The following NCR2 variants were observed in gnomAD, a reference collection of about 807,000 sequenced individuals.
The protein encoded by NCR2 is natural cytotoxicity triggering receptor 2, also known as NK cell activating receptor (NKp44).
A neutral mutation model predicts 30.7 loss-of-function variants in NCR2; 35 were observed. That is an observed-to-expected ratio of 1.14 (90% confidence interval 0.87 to 1.51). The LOEUF (loss-of-function observed/expected upper bound fraction) is 1.51. Ranked by LOEUF, NCR2 falls within the 40% of genes most tolerant of loss-of-function variation. The pLI is 0.00. For missense variants in NCR2, 316 were observed against 328.9 expected (o/e 0.96, Z 0.30); for synonymous variants, 146 against 134.8 (o/e 1.08, Z -0.58).
At chr6:41,336,763 A>T (rs1193843769) in intron 2 of NCR2, among the ~76,000 whole-genome samples, 1 of 152,166 alleles carries the variant, frequency 6.6e-6, no homozygotes, top group Admixed American at 6.5e-5. Context: ...AGGTGCATCC[A>T]CTGGCTGCCC....
chr6:41,337,447 T>C (rs6939587), intron 2 of NCR2, among the ~76,000 whole-genome samples: 18,643 of 152,200 alleles, frequency 0.12, 1,629 homozygotes, highest in East Asian at 0.31. Context: ...GAAGGGAAAT[T>C]GCAGTTCTCC....
intron 4 of NCR2, among the ~76,000 whole-genome samples, chr6:41,348,465 C>A (rs1443334154): frequency 2.0e-4 from 29 of 147,400 alleles, no homozygotes; most frequent in African/African-American, 2.5e-4. Flanking sequence ...AAGGGGGAGA[C>A]AAAAAAAAAA....
intron 2 of NCR2, among the ~76,000 whole-genome samples, chr6:41,341,507 G>A (rs534059783): frequency 9.1e-4 from 139 of 152,096 alleles, no homozygotes; most frequent in Non-Finnish European, 1.5e-3. Flanking sequence ...TAGGAGGCTC[G>A]GATGGGTGCC....
At chr6:41,348,277 T>C (rs549786303) in intron 4 of NCR2, among the ~76,000 whole-genome samples, 59 of 152,246 alleles carry the variant, frequency 3.9e-4, no homozygotes, top group Non-Finnish European at 7.9e-4. Context: ...CAGGAACTCA[T>C]CATTTAAACC....
chr6:41,340,273 T>C (rs2114052928), intron 2 of NCR2, among the ~76,000 whole-genome samples: 1 of 152,086 alleles, frequency 6.6e-6, no homozygotes, highest in Middle Eastern at 3.4e-3. Flanking sequence ...CCCATTCCCA[T>C]GCCTCAGCCT....
intron 3 of NCR2, 21 bp from the exon 4 acceptor site, chr6:41,342,015 T>G: frequency 6.2e-7 from 1 of 1,613,808 alleles, no homozygotes; most frequent in Non-Finnish European, 8.5e-7. Context: ...CCTCTCCCCT[T>G]CCTGTCCCTC....
chr6:41,343,611 TG>T (rs1769229471), intron 4 of NCR2, among the ~76,000 whole-genome samples: 2 of 152,222 alleles, frequency 1.3e-5, no homozygotes, highest in South Asian at 4.1e-4. Context: ...CTCTGCAACC[TG>T]GGCAGTTGTA....
intron 2 of NCR2, 48 bp from the exon 3 acceptor site, chr6:41,341,746 A>T (rs1225822909): frequency 6.4e-7 from 1 of 1,566,616 alleles, no homozygotes; most frequent in Non-Finnish European, 8.6e-7. Flanking sequence ...CGGCAGGCAC[A>T]AGTGAGGTCT....
intron 2 of NCR2, among the ~76,000 whole-genome samples, chr6:41,339,784 G>C (rs570864509): frequency 6.6e-6 from 1 of 152,106 alleles, no homozygotes; most frequent in Non-Finnish European, 1.5e-5. Context: ...AGACATTTTG[G>C]GGTACCCGTA....
intron 2 of NCR2, among the ~76,000 whole-genome samples, chr6:41,338,343 A>G (rs1308329889): frequency 1.3e-5 from 2 of 152,248 alleles, no homozygotes; most frequent in African/African-American, 2.4e-5. Context: ...TATTCACCTT[A>G]TAAAATTCAC....
chr6:41,337,611 G>GA (rs1303959404), intron 2 of NCR2, among the ~76,000 whole-genome samples: 2 of 152,146 alleles, frequency 1.3e-5, no homozygotes, highest in Non-Finnish European at 2.9e-5. Flanking sequence ...AATGTATAAA[G>GA]AAATTGTGTT....
intron 4 of NCR2, chr6:41,342,815 C>G (rs1348721078): frequency 2.1e-6 from 2 of 969,722 alleles, no homozygotes; most frequent in South Asian, 1.5e-5. Context: ...ACAACTCAGT[C>G]AGGCCAGGAG....
intron 2 of NCR2, among the ~76,000 whole-genome samples, chr6:41,341,454 A>G (rs919306901): frequency 6.6e-6 from 1 of 152,174 alleles, no homozygotes; most frequent in Non-Finnish European, 1.5e-5. Context: ...AATGGAGGGC[A>G]GAGAGCCGAA....
intron 4 of NCR2, among the ~76,000 whole-genome samples, chr6:41,342,747 A>G (rs1395911744): frequency 6.6e-6 from 1 of 152,128 alleles, no homozygotes; most frequent in African/African-American, 2.4e-5. Context: ...AACAGCCCCC[A>G]GGGAGAAGGG....
rs551194760 is a variant in NCR2 at position 41,344,338 on chromosome 6, G to A, written c.644+2189G>A. On this transcript the variant is annotated intron_variant, in intron 4 of 4. Coordinates refer to ENST00000373089, the MANE Select transcript of NCR2 (RefSeq NM_004828.4). ...TTCCTGCACAAGCTGGTCAAGAGGC[G>A]CCTCAACTCGCCACATTCAAGATCA... Among the ~76,000 whole-genome samples the A allele has an allele frequency of 7.9e-5, 12 of 152,244 alleles. No individual in the cohort carries two copies. In the South Asian group the frequency reaches 2.1e-3, roughly 26 times the overall value.
chr6:41,349,024 T>C (rs1769368930), intron 4 of NCR2, among the ~76,000 whole-genome samples: 1 of 149,214 alleles, frequency 6.7e-6, no homozygotes. Flanking sequence ...ATAATTATTA[T>C]ACATTATTGA....
At chr6:41,341,960 G>C (rs2236370) in intron 3 of NCR2, 31 bp downstream of exon 3, 1,013,323 of 1,612,216 alleles carry the variant, frequency 0.63, 322,629 homozygotes, top group Admixed American at 0.71. Flanking sequence ...AGCCACACAG[G>C]CCTGGGCGGG....
At chr6:41,348,728 T>A (rs1018270200) in intron 4 of NCR2, among the ~76,000 whole-genome samples, 1 of 152,232 alleles carries the variant, frequency 6.6e-6, no homozygotes, top group African/African-American at 2.4e-5. Context: ...GATTTTATGC[T>A]ATTTCTGTTC....
In NCR2 at chr6:41,335,859, G is replaced by T. The variant is rs549677654; in HGVS notation, c.-18G>T. ...TCTCCAGGTGTCCCCTCCCATGAGC[G>T]CACAGGAAAAGGACCACATGGCCTG... On this transcript the variant is annotated 5_prime_UTR_variant, in exon 1 of 5. Coordinates refer to ENST00000373089, the MANE Select transcript of NCR2 (RefSeq NM_004828.4). The T allele has an allele frequency of 1.4e-5, 22 of 1,562,174 alleles. No individual in the cohort carries two copies. The highest frequency in any genetic ancestry group is 1.9e-5 in the Non-Finnish European group (22 of 1,152,496).
Sources: gnomAD v4.1 joint callset for allele counts (sites outside exome capture counted in the v4.1 genomes callset) on GRCh38, gnomAD v4.1.1 for gene constraint, MANE v1.5 for transcripts, NCBI Gene and HGNC (gene_info 2026-07-23, HGNC 2026-07-21) for gene names.